The following ARHGEF26 variants were observed in gnomAD, a reference collection of about 807,000 sequenced individuals.
ARHGEF26 encodes the protein Rho guanine nucleotide exchange factor (GEF) 26.
A neutral mutation model predicts 89.4 loss-of-function variants in ARHGEF26; 59 were observed. The ratio of observed to expected loss-of-function variants is 0.66; its 90% CI spans 0.54 to 0.82. The LOEUF is 0.82. ARHGEF26 is among the 40% of genes least tolerant of loss of function. The pLI, the probability that ARHGEF26 is intolerant of heterozygous loss-of-function variation, is 0.00. For synonymous variants in ARHGEF26, 500 were observed against 428.4 expected, an observed-to-expected ratio of 1.17 and a Z score of -2.06; for missense variants, 1,234 against 1,085.6, an observed-to-expected ratio of 1.14 and a Z score of -1.92.
At chr3:154,223,012 C>T (rs1387274398) in intron 10 of ARHGEF26, among the ~76,000 whole-genome samples, 4 of 152,134 alleles carry the variant, frequency 2.6e-5, no homozygotes, top group African/African-American at 9.7e-5. Context: ...GTCTCAAATC[C>T]AGTGTTTTTT....
rs548534775 is a variant in ARHGEF26 at position 154,217,080 on chromosome 3, T to C, written c.1846-789T>C. ...TGGGATGGCTGGGTCAAATGAAATTTCTAGTTCTAGATCCCTGAGGAGTCA... is the reference window on the plus strand; with the variant it reads ...TGGGATGGCTGGGTCAAATGAAATTCCTAGTTCTAGATCCCTGAGGAGTCA... On this transcript the variant is annotated intron_variant, in intron 9 of 14. Coordinates refer to ENST00000465093, the MANE Select transcript of ARHGEF26 (RefSeq NM_015595.4). 6.6e-4 allele frequency among the ~76,000 whole-genome samples: 100 copies of C among 151,828 alleles called. 1 individual carries two copies. The highest frequency in any genetic ancestry group is 2.4e-3 in the African/African-American group (99 of 41,284).
At chr3:154,175,288 C>T (rs1712737591) in intron 6 of ARHGEF26, among the ~76,000 whole-genome samples, 1 of 152,146 alleles carries the variant, frequency 6.6e-6, no homozygotes, top group Non-Finnish European at 1.5e-5. Context: ...AGTGTGGAAG[C>T]TGCATATTGT....
intron 10 of ARHGEF26, among the ~76,000 whole-genome samples, chr3:154,223,793 A>G (rs961035061): frequency 2.6e-5 from 4 of 152,202 alleles, no homozygotes; most frequent in African/African-American, 7.2e-5. Flanking sequence ...TATTATGAAC[A>G]TACTAGAAAC....
intron 9 of ARHGEF26, among the ~76,000 whole-genome samples, chr3:154,213,241 G>GTGTGTGTATA (rs1553747909): frequency 6.9e-6 from 1 of 145,560 alleles, no homozygotes; most frequent in Non-Finnish European, 1.5e-5. Flanking sequence ...GTGTGTGTGT[G>GTGTGTGTATA]TATATATATA....
intron 9 of ARHGEF26, among the ~76,000 whole-genome samples, chr3:154,207,407 A>G (rs1715090179): frequency 6.6e-6 from 1 of 152,198 alleles, no homozygotes; most frequent in African/African-American, 2.4e-5. Flanking sequence ...ATTTACAAGA[A>G]AAAAGAATAA....
intron 12 of ARHGEF26, among the ~76,000 whole-genome samples, chr3:154,242,855 T>A (rs1045438256): frequency 2.0e-5 from 3 of 152,120 alleles, no homozygotes; most frequent in Non-Finnish European, 4.4e-5. Flanking sequence ...ATGTGTTTGT[T>A]TACAAAACAA....
rs1296686921 is a variant in ARHGEF26, at chr3:154,225,990, C to T, written c.2070C>T (p.Leu690=). 1.2e-6 allele frequency: 2 copies of T among 1,610,682 alleles called. No homozygotes were observed. The highest frequency in any genetic ancestry group is 1.7e-6 in the Non-Finnish European group (2 of 1,178,772). The change falls in exon 11 of 15, where the codon CTC becomes CTT. Residue 690 remains leucine (L), a synonymous_variant. Coordinates refer to ENST00000465093, the MANE Select transcript of ARHGEF26 (RefSeq NM_015595.4). ...ACTTCTTTCTCTTTAACGATGTGCT[C>T]ATTATCACCAAGAAGAAGAGGTAAG... ...QVYFFLFNDV[L]IITKKKSEES...
At chr3:154,125,821 A>T (rs1718297031) in intron 3 of ARHGEF26, among the ~76,000 whole-genome samples, 1 of 152,120 alleles carries the variant, frequency 6.6e-6, no homozygotes, top group Non-Finnish European at 1.5e-5. Flanking sequence ...GGAATGCAGG[A>T]TTCTTACAGT....
rs1265346152 is a variant in ARHGEF26 at position 154,122,289 on chromosome 3, G to C, written c.297G>C (p.Pro99=). ...RAVANGGTAS[P]EYRAASPRLR... ...TGGCCAATGGTGGGACGGCATCCCC[G>C]GAGTACAGGGCTGCCTCTCCTCGAC... The change falls in exon 2 of 15, where the codon CCG becomes CCC. Residue 99 remains proline (P), a synonymous_variant. Coordinates refer to ENST00000465093, the MANE Select transcript of ARHGEF26 (RefSeq NM_015595.4). 10 of 1,612,474 alleles carry C rather than the reference G, an allele frequency of 6.2e-6. No individual in the cohort carries two copies. Among genetic ancestry groups the C allele is most frequent in the Non-Finnish European group, 8.5e-6 (10 of 1,179,792 alleles).
chr3:154,241,852 C>A (rs1421473255), intron 12 of ARHGEF26, among the ~76,000 whole-genome samples: 1 of 152,170 alleles, frequency 6.6e-6, no homozygotes, highest in African/African-American at 2.4e-5. Context: ...AATAATGAAT[C>A]TTATCAGATA....
intron 11 of ARHGEF26, among the ~76,000 whole-genome samples, chr3:154,229,236 T>G (rs1368534063): frequency 6.6e-6 from 1 of 152,134 alleles, no homozygotes; most frequent in Non-Finnish European, 1.5e-5. Flanking sequence ...GACCTTGTTA[T>G]GTTGCCCAGG....
intron 11 of ARHGEF26, among the ~76,000 whole-genome samples, chr3:154,237,538 TCACACACACACACACACACA>T (rs71152796): frequency 1.4e-5 from 2 of 143,202 alleles, no homozygotes; most frequent in African/African-American, 5.2e-5. Flanking sequence ...TGAGACTCCG[TCACACACACACACACACACA>T]CACACACACA....
intron 6 of ARHGEF26, 28 bp downstream of exon 6, chr3:154,152,960 C>A: frequency 1.3e-6 from 2 of 1,495,670 alleles, no homozygotes; most frequent in Non-Finnish European, 8.9e-7. Flanking sequence ...TGCCTTTGGT[C>A]GTGCCAAGAA....
In ARHGEF26 at chr3:154,201,003, G is replaced by A. The variant is rs902082393; in HGVS notation, c.1845+6285G>A. Among the ~76,000 whole-genome samples the A allele has an allele frequency of 2.0e-4, 5 of 25,312 alleles. No individual in the cohort carries two copies. In the African/African-American group the frequency reaches 2.2e-3, roughly 11 times the overall value. 16.6% of individuals were successfully genotyped at this position (25,312 alleles called of 152,430 possible). ...TTTATTTTGTGGAGATCAAATATAA[G>A]ATTTTTTTTTATTATACTTTAAGTT... On this transcript the variant is annotated intron_variant, in intron 9 of 14. Transcript: ENST00000465093.
chr3:154,220,753 G>A (rs1290782394), intron 10 of ARHGEF26, among the ~76,000 whole-genome samples: 2 of 151,910 alleles, frequency 1.3e-5, no homozygotes, highest in African/African-American at 4.8e-5. Flanking sequence ...CTTCAGCAAT[G>A]GGGAAAGGCT....
chr3:154,153,002 AAAGG>A (rs1720117898), intron 6 of ARHGEF26, 70 bp downstream of exon 6: 25 of 1,294,232 alleles, frequency 1.9e-5, no homozygotes, highest in Non-Finnish European at 2.5e-5. Context: ...TGTTATCTCT[AAAGG>A]AAGGCATTTC....
At chr3:154,182,177 A>T (rs1437195005) in intron 6 of ARHGEF26, among the ~76,000 whole-genome samples, 1 of 152,156 alleles carries the variant, frequency 6.6e-6, no homozygotes, top group Non-Finnish European at 1.5e-5. Flanking sequence ...CAAAAATTAT[A>T]AAAGAATTAA....
chr3:154,130,234 A>G (rs1718605857), intron 4 of ARHGEF26, among the ~76,000 whole-genome samples: 1 of 138,578 alleles, frequency 7.2e-6, no homozygotes, highest in Non-Finnish European at 1.5e-5. Flanking sequence ...GCAGTCTCCC[A>G]GGTTCATGTG....
At chr3:154,221,321 G>A (rs1716112100) in intron 10 of ARHGEF26, among the ~76,000 whole-genome samples, 1 of 152,158 alleles carries the variant, frequency 6.6e-6, no homozygotes, top group Non-Finnish European at 1.5e-5. Context: ...TAATTCAAAA[G>A]TTTGATACCC....
Sources: allele counts gnomAD v4.1 joint callset (sites outside exome capture counted in the v4.1 genomes callset), GRCh38; gene constraint gnomAD v4.1.1; transcripts MANE v1.5; gene names NCBI Gene and HGNC (gene_info 2026-07-23, HGNC 2026-07-21).